KAZN: variants seen among roughly 807,000 people sequenced by gnomAD.
KAZN encodes kazrin, periplakin interacting protein.
A neutral mutation model predicts 87.4 loss-of-function variants in KAZN; 40 were observed. That is an observed-to-expected ratio of 0.46 (90% CI 0.36 to 0.60). The LOEUF is 0.60. Ranked by LOEUF, KAZN falls within the 20% of genes least tolerant of loss-of-function variation. The probability of loss-of-function intolerance (pLI) is 0.00; values close to 1 mark genes in which losing one functional copy is unlikely to be tolerated. For missense variants in KAZN, 898 were observed against 1,073.9 expected, an observed-to-expected ratio of 0.84 and a Z score of 2.29; for synonymous variants, 466 against 458.3, an observed-to-expected ratio of 1.02 and a Z score of -0.22.
At chr1:14,916,861 C>G (rs1195350865) in intron 1 of KAZN, among the ~76,000 whole-genome samples, 1 of 151,942 alleles carries the variant, frequency 6.6e-6, no homozygotes, top group African/African-American at 2.4e-5. Context: ...CTGCATTGAG[C>G]CATCATCATA....
At chr1:14,874,655 A>G (rs1440433010) in intron 1 of KAZN, among the ~76,000 whole-genome samples, 1 of 152,222 alleles carries the variant, frequency 6.6e-6, no homozygotes, top group African/African-American at 2.4e-5. Context: ...AAAAGCTGTC[A>G]AAACCAATCT....
In KAZN at chr1:14,599,602, C is replaced by A. The variant is rs374640569; in HGVS notation, c.226+379C>A. Among the ~76,000 whole-genome samples, 238 of 152,292 alleles carry A rather than the reference C, an allele frequency of 1.6e-3. 6 individuals are homozygous for A. The South Asian group carries it at 0.048, about 31-fold the overall frequency. On this transcript the variant is annotated intron_variant, in intron 1 of 14. Coordinates refer to ENST00000376030, the MANE Select transcript of KAZN (RefSeq NM_201628.3). The surrounding 1 kb of genome is among the most constrained non-coding windows in gnomAD (Gnocchi z 4.4). ...CCCGCAGGGGTGAATGGCACAGTTC[C>A]CCCCACTTCCTTAGGCTCCTTCCCA...
intron 1 of KAZN, among the ~76,000 whole-genome samples, chr1:14,176,555 A>G (rs1209728035): frequency 6.6e-6 from 1 of 152,196 alleles, no homozygotes; most frequent in African/African-American, 2.4e-5. Context: ...GCTAAGTGAG[A>G]ATCAGGCCAT....
intron 2 of KAZN, among the ~76,000 whole-genome samples, chr1:14,370,394 CTGAG>C (rs1219066026): frequency 6.6e-6 from 1 of 152,206 alleles, no homozygotes; most frequent in East Asian, 1.9e-4. Flanking sequence ...TGCTCAGCCC[CTGAG>C]TATCATTCAG....
chr1:14,236,722 A>G (rs1648459689), intron 2 of KAZN, among the ~76,000 whole-genome samples: 1 of 152,176 alleles, frequency 6.6e-6, no homozygotes, highest in African/African-American at 2.4e-5. Context: ...GTTTGAGACC[A>G]GCCTGGGCAA....
rs566153918 is a variant in KAZN, at chr1:14,786,707, T to C, written c.227-173977T>C. Reference sequence around the variant, plus strand: ...AGGATAAAGAAAAAAAATACCTTTGTATACAGCAATGCCTGAACAATTTGC... The same window carrying C: ...AGGATAAAGAAAAAAAATACCTTTGCATACAGCAATGCCTGAACAATTTGC... On this transcript the variant is annotated intron_variant, in intron 1 of 14. Coordinates refer to ENST00000376030, the MANE Select transcript of KAZN (RefSeq NM_201628.3). Among the ~76,000 whole-genome samples, 10 of 152,348 alleles carry C rather than the reference T, an allele frequency of 6.6e-5. No homozygotes were observed. The South Asian group carries it at 2.1e-3, about 32-fold the overall frequency.
intron 1 of KAZN, among the ~76,000 whole-genome samples, chr1:14,060,223 C>T (rs1436983544): frequency 6.6e-6 from 1 of 151,942 alleles, no homozygotes; most frequent in Non-Finnish European, 1.5e-5. Flanking sequence ...ATTAGCTGGG[C>T]GTGGCAGCAT....
intron 2 of KAZN, among the ~76,000 whole-genome samples, chr1:14,475,697 T>C (rs1668678372): frequency 6.6e-6 from 1 of 152,238 alleles, no homozygotes; most frequent in Non-Finnish European, 1.5e-5. Flanking sequence ...TTTTTTAATA[T>C]AGGGAGGGCT....
chr1:14,596,992 T>C (rs1676550190), upstream of KAZN, among the ~76,000 whole-genome samples: 1 of 152,224 alleles, frequency 6.6e-6, no homozygotes, highest in East Asian at 1.9e-4. Flanking sequence ...TGTTTAACTG[T>C]TCAAGGAACT....
intron 2 of KAZN, among the ~76,000 whole-genome samples, chr1:14,291,407 C>G (rs990129262): frequency 1.3e-5 from 2 of 152,198 alleles, no homozygotes; most frequent in Admixed American, 1.3e-4. Context: ...ACCCCTCCCC[C>G]AGCCAGGTTG....
intron 1 of KAZN, among the ~76,000 whole-genome samples, chr1:14,887,284 A>G (rs936513042): frequency 6.6e-6 from 1 of 152,180 alleles, no homozygotes; most frequent in Non-Finnish European, 1.5e-5. Context: ...TCCCTGTGCA[A>G]TGAAGCAAAG....
chr1:14,905,760 C>T (rs905738611), intron 1 of KAZN, among the ~76,000 whole-genome samples: 2 of 151,164 alleles, frequency 1.3e-5, no homozygotes, highest in Non-Finnish European at 1.5e-5. Flanking sequence ...AGGAGAATGG[C>T]GTGAACATGG....
At chr1:14,915,795 C>T (rs1657750262) in intron 1 of KAZN, among the ~76,000 whole-genome samples, 1 of 152,158 alleles carries the variant, frequency 6.6e-6, no homozygotes, top group Non-Finnish European at 1.5e-5. Context: ...CATCTGGAAC[C>T]TGGGGATAGG....
intron 1 of KAZN, among the ~76,000 whole-genome samples, chr1:14,723,381 A>C (rs1234397641): frequency 6.6e-6 from 1 of 152,174 alleles, no homozygotes; most frequent in Non-Finnish European, 1.5e-5. Context: ...GCAAAGCAGG[A>C]GTGCCAAGAT....
intron 2 of KAZN, among the ~76,000 whole-genome samples, chr1:14,298,540 T>C (rs1489322836): frequency 6.6e-6 from 1 of 152,226 alleles, no homozygotes; most frequent in Non-Finnish European, 1.5e-5. Flanking sequence ...ATTTTAATGT[T>C]CTTTTGATAT....
chr1:14,621,351 A>G (rs1678682396), intron 1 of KAZN, among the ~76,000 whole-genome samples: 1 of 152,218 alleles, frequency 6.6e-6, no homozygotes, highest in African/African-American at 2.4e-5. Context: ...CTGAATGCAG[A>G]AAGTATGTGT....
intron 8 of KAZN, among the ~76,000 whole-genome samples, chr1:15,082,054 T>C (rs1479316545): frequency 2.0e-5 from 3 of 152,078 alleles, no homozygotes; most frequent in Non-Finnish European, 2.9e-5. Flanking sequence ...GGACAGGTGA[T>C]GGAGACTCAG....
intron 1 of KAZN, among the ~76,000 whole-genome samples, chr1:14,062,364 TTGAG>T (rs973172913): frequency 6.6e-6 from 1 of 152,194 alleles, no homozygotes; most frequent in Non-Finnish European, 1.5e-5. Context: ...GCCATCCTAC[TTGAG>T]GCACTACACT....
chr1:13,908,935 C>T (rs189189156), intron 1 of KAZN, among the ~76,000 whole-genome samples: 260 of 152,234 alleles, frequency 1.7e-3, no homozygotes, highest in Non-Finnish European at 2.2e-3. Flanking sequence ...AGAGTAAGTA[C>T]GAGGCTACTC....
Sources: gnomAD v4.1 joint callset for allele counts (sites outside exome capture counted in the v4.1 genomes callset) on GRCh38, gnomAD v4.1.1 for gene constraint, Gnocchi (gnomAD v3.1) non-coding constraint, MANE v1.5 for transcripts, NCBI Gene and HGNC (gene_info 2026-07-23, HGNC 2026-07-21) for gene names.